XPR1: variants seen among roughly 807,000 people sequenced by gnomAD.
XPR1 encodes the protein solute carrier family 53 member 1.
XPR1 carries 28 observed loss-of-function variants against 87.5 expected under a neutral mutation model. That is an observed-to-expected ratio of 0.32 (90% CI 0.24 to 0.44). XPR1 has a LOEUF of 0.44. Among genes scored for constraint, XPR1 ranks in the 20% least tolerant of loss-of-function variants. XPR1 has a pLI of 1.00. For missense variants in XPR1, 559 were observed against 862.3 expected, an observed-to-expected ratio of 0.65 and a Z score of 4.41; for synonymous variants, 300 against 306.1, an observed-to-expected ratio of 0.98 and a Z score of 0.21.
In XPR1 at chr1:180,884,988, TA is replaced by T. The variant is rs1380870375; in HGVS notation, c.*924del. ...CTGAATTTCATGGAAGAGGTTCTGA[TA>T]ATTTTTTTAACTTTTTAAGGAACAG... On this transcript the variant is annotated 3_prime_UTR_variant, in exon 15 of 15. Transcript: ENST00000367590. The T allele has an allele frequency of 1.3e-5, 2 of 152,374 alleles. No homozygotes were observed. The highest frequency in any genetic ancestry group is 4.8e-5 in the African/African-American group (2 of 41,458). The allele number at this position is 152,374 out of a possible 1,614,324, so 9.4% of individuals were successfully genotyped here. A position where few individuals can be genotyped will look rare whatever the true frequency, so the allele number is the denominator to read the frequency against.
chr1:180,788,898 A>T (rs1038414075), intron 3 of XPR1, among the ~76,000 whole-genome samples: 4 of 152,038 alleles, frequency 2.6e-5, no homozygotes, highest in African/African-American at 9.7e-5. Flanking sequence ...TTTTCGGATG[A>T]TTTTTTTCCT....
At chr1:180,695,796 G>A (rs1657145366) in intron 2 of XPR1, among the ~76,000 whole-genome samples, 2 of 152,100 alleles carry the variant, frequency 1.3e-5, no homozygotes, top group Admixed American at 6.6e-5. Flanking sequence ...CTGTGTGTAT[G>A]TAGTTAGTCC....
In XPR1 at chr1:180,828,998, A is replaced by G. The variant is rs1210528647; in HGVS notation, c.1134+3654A>G. 1.4e-4 allele frequency among the ~76,000 whole-genome samples: 21 copies of G among 152,156 alleles called. No individual in the cohort carries two copies. In the East Asian group the frequency reaches 3.5e-3, roughly 25 times the overall value. ...GATCGCTTAAGCCCAGGAGTTCGAG[A>G]CCAGCCTGGGCAACGTGGCAAAACC... On this transcript the variant is annotated intron_variant, in intron 9 of 14. Transcript: ENST00000367590.
chr1:180,633,812 G>A (rs1654678063), intron 1 of XPR1, among the ~76,000 whole-genome samples: 1 of 152,186 alleles, frequency 6.6e-6, no homozygotes, highest in Non-Finnish European at 1.5e-5. Flanking sequence ...AAGGGTATTG[G>A]TCTTTCATCT....
intron 13 of XPR1, among the ~76,000 whole-genome samples, chr1:180,879,145 C>T (rs1652761394): frequency 6.6e-6 from 1 of 152,200 alleles, no homozygotes; most frequent in Non-Finnish European, 1.5e-5. Flanking sequence ...GTCAGTAAGT[C>T]CTGTCAGCTC....
intron 1 of XPR1, among the ~76,000 whole-genome samples, chr1:180,668,123 CTTTTTTTT>C (rs758456790): frequency 1.1e-5 from 1 of 94,698 alleles, no homozygotes. Flanking sequence ...TTCCCTCTAT[CTTTTTTTT>C]TTTTTTTTTT....
chr1:180,730,401 T>A (rs1350718244), intron 2 of XPR1, among the ~76,000 whole-genome samples: 1 of 152,202 alleles, frequency 6.6e-6, no homozygotes, highest in African/African-American at 2.4e-5. Context: ...TGAATTTGTT[T>A]ATCAGTATAT....
At chr1:180,740,506 A>G (rs1020646757) in intron 2 of XPR1, among the ~76,000 whole-genome samples, 3 of 150,918 alleles carry the variant, frequency 2.0e-5, no homozygotes, top group Non-Finnish European at 3.0e-5. Flanking sequence ...CCTGAGATCT[A>G]CTCCCACTAG....
chr1:180,715,403 A>G (rs1657953437), intron 2 of XPR1, among the ~76,000 whole-genome samples: 1 of 152,216 alleles, frequency 6.6e-6, no homozygotes, highest in African/African-American at 2.4e-5. Context: ...TAGAATGGAT[A>G]AGGATCTTAG....
intron 1 of XPR1, among the ~76,000 whole-genome samples, chr1:180,656,456 T>TTATTTATACATTATATATAATATATATA (rs1557941450): frequency 3.0e-4 from 1 of 3,338 alleles, no homozygotes; most frequent in African/African-American, 7.4e-4. Context: ...TATTTATATA[T>TTATTTATACATTATATATAATATATATA]TTATATATAA....
At chr1:180,665,734 G>A (rs1038354149) in intron 1 of XPR1, among the ~76,000 whole-genome samples, 31 of 152,196 alleles carry the variant, frequency 2.0e-4, no homozygotes, top group Non-Finnish European at 4.1e-4. Context: ...CACTGCTGGG[G>A]TTTGGGGGAG....
At position 180,632,054 on chromosome 1, in the gene XPR1, G is replaced by A. The variant is rs111298273; in HGVS notation, c.-148G>A. The A allele has an allele frequency of 7.8e-5, 68 of 873,914 alleles. No individual in the cohort carries two copies. Among genetic ancestry groups the A allele is most frequent in the Admixed American group, 6.3e-4 (31 of 49,380 alleles). 54.1% of individuals were successfully genotyped at this position (873,914 alleles called of 1,614,324 possible). A position where few individuals can be genotyped will look rare whatever the true frequency, so the allele number is the denominator to read the frequency against. On this transcript the variant is annotated 5_prime_UTR_variant, in exon 1 of 15. Transcript: ENST00000367590. ...GGAGGAGGAAGATGGCGGGCGGGCT[G>A]CTCTGAAGAGACCTCGGCGGCGGCG...
chr1:180,769,455 TTCTCTCTC>T (rs113535211), intron 2 of XPR1, among the ~76,000 whole-genome samples: 57 of 118,720 alleles, frequency 4.8e-4, no homozygotes, highest in African/African-American at 1.7e-3. Flanking sequence ...TAACCATCCT[TTCTCTCTC>T]TCTCTCTCTC....
chr1:180,703,863 C>T (rs1015241626), intron 2 of XPR1, among the ~76,000 whole-genome samples: 1 of 151,998 alleles, frequency 6.6e-6, no homozygotes, highest in Non-Finnish European at 1.5e-5. Flanking sequence ...ACCCATATAT[C>T]GAGTACTCAG....
At chr1:180,686,506 T>G (rs571907373) in intron 2 of XPR1, among the ~76,000 whole-genome samples, 1 of 152,302 alleles carries the variant, frequency 6.6e-6, no homozygotes, top group East Asian at 1.9e-4. Context: ...TTAGGTCCGC[T>G]TGGTGCAGAG....
Position 180,799,405 on chromosome 1 carries a change from T to A in XPR1, c.224-3983T>A, listed in dbSNP as rs577656198. On this transcript the variant is annotated intron_variant, in intron 3 of 14. Transcript: ENST00000367590. ...TCAGAGTCTTGTCTCCCAACTTTTC[T>A]GTTAGGCCATTGATCAGCTTTTCTA... 5.3e-5 allele frequency among the ~76,000 whole-genome samples: 8 copies of A among 152,348 alleles called. No individual in the cohort carries two copies. The South Asian group carries it at 1.7e-3, about 32-fold the overall frequency.
At chr1:180,780,057 G>A (rs923358860) in intron 2 of XPR1, among the ~76,000 whole-genome samples, 2 of 152,068 alleles carry the variant, frequency 1.3e-5, no homozygotes, top group African/African-American at 4.8e-5. Context: ...GCTACATTTT[G>A]TTTATCCATT....
chr1:180,649,358 G>T (rs1655221219), intron 1 of XPR1, among the ~76,000 whole-genome samples: 1 of 152,128 alleles, frequency 6.6e-6, no homozygotes, highest in South Asian at 2.1e-4. Flanking sequence ...CGTGAACCCG[G>T]AGGCGGAGCT....
At chr1:180,873,966 A>G in intron 13 of XPR1, 24 bp downstream of exon 13, 1 of 1,600,576 alleles carries the variant, frequency 6.2e-7, no homozygotes, top group South Asian at 1.1e-5. Flanking sequence ...TGAAAAGTTT[A>G]TTAAAGATTC....
Sources: allele counts gnomAD v4.1 joint callset (sites outside exome capture counted in the v4.1 genomes callset), GRCh38; gene constraint gnomAD v4.1.1; transcripts MANE v1.5; gene names NCBI Gene and HGNC (gene_info 2026-07-23, HGNC 2026-07-21).